EDIL3: variants seen among roughly 807,000 people sequenced by gnomAD.
The protein encoded by EDIL3 is EGF like and discoidin domains 3.
In EDIL3, 37 loss-of-function variants were observed where a neutral mutation model predicts 67.4. That is an observed-to-expected ratio of 0.55 (90% confidence interval 0.42 to 0.72). EDIL3 has a LOEUF of 0.72. Ranked by LOEUF, EDIL3 falls within the 30% of genes least tolerant of loss-of-function variation. The probability of loss-of-function intolerance (pLI) is 0.00; values close to 1 mark genes in which losing one functional copy is unlikely to be tolerated. For missense variants in EDIL3, 527 were observed against 586.3 expected (o/e 0.90, Z 1.04); for synonymous variants, 195 against 196.3 (o/e 0.99, Z 0.05).
chr5:84,003,906 G>A (rs1409184582), intron 9 of EDIL3, among the ~76,000 whole-genome samples: 1 of 151,642 alleles, frequency 6.6e-6, no homozygotes, highest in Non-Finnish European at 1.5e-5. Context: ...GGACCCAAAT[G>A]TACGCTGTCT....
intron 4 of EDIL3, among the ~76,000 whole-genome samples, chr5:84,162,904 TATATGACATCATC>T (rs772442405): frequency 1.4e-4 from 21 of 152,144 alleles, no homozygotes; most frequent in Non-Finnish European, 2.1e-4. Flanking sequence ...TGTAACTGAT[TATATGACATCATC>T]ATAATAAAAG....
chr5:84,226,113 T>C (rs1744447534), intron 3 of EDIL3, among the ~76,000 whole-genome samples: 2 of 151,702 alleles, frequency 1.3e-5, no homozygotes, highest in Admixed American at 1.3e-4. Context: ...GTAAAGATAT[T>C]ATATGGGGAT....
At chr5:84,110,495 T>C (rs1747540117) in intron 5 of EDIL3, among the ~76,000 whole-genome samples, 1 of 152,242 alleles carries the variant, frequency 6.6e-6, no homozygotes, top group Non-Finnish European at 1.5e-5. Flanking sequence ...TTGCTTTTAC[T>C]ATCAACAAAT....
chr5:84,060,541 C>T, intron 8 of EDIL3, 57 bp from the exon 9 acceptor site: 1 of 1,588,644 alleles, frequency 6.3e-7, no homozygotes, highest in Non-Finnish European at 8.6e-7. Context: ...TGGAACTTTT[C>T]TGCATTCATT....
chr5:84,271,986 T>C (rs893333064), intron 1 of EDIL3, among the ~76,000 whole-genome samples: 14 of 152,168 alleles, frequency 9.2e-5, no homozygotes, highest in African/African-American at 3.4e-4. Context: ...AAGTTTTGTT[T>C]TGTTCTTTTA....
intron 1 of EDIL3, among the ~76,000 whole-genome samples, chr5:84,347,158 G>A (rs1247747947): frequency 5.3e-5 from 8 of 152,052 alleles, no homozygotes; most frequent in African/African-American, 9.7e-5. Flanking sequence ...GTGTCCTTTT[G>A]TCCACATGTT....
At chr5:84,225,638 A>AT (rs944072123) in intron 3 of EDIL3, among the ~76,000 whole-genome samples, 5 of 151,518 alleles carry the variant, frequency 3.3e-5, no homozygotes, top group African/African-American at 9.6e-5. Context: ...TGTCTTCCTG[A>AT]TTTTTTTCAT....
chr5:83,967,466 T>C (rs547424197), intron 9 of EDIL3, among the ~76,000 whole-genome samples: 1 of 152,088 alleles, frequency 6.6e-6, no homozygotes, highest in Non-Finnish European at 1.5e-5. Context: ...CTTATTTCAC[T>C]CTAAGAATGA....
At chr5:84,268,337 T>C (rs898367813) in intron 1 of EDIL3, among the ~76,000 whole-genome samples, 4 of 152,152 alleles carry the variant, frequency 2.6e-5, no homozygotes, top group African/African-American at 9.7e-5. Flanking sequence ...AAGTCAACTA[T>C]GCATTCTTTC....
chr5:83,971,704 G>T (rs972465342), intron 9 of EDIL3, among the ~76,000 whole-genome samples: 2 of 151,748 alleles, frequency 1.3e-5, no homozygotes, highest in Admixed American at 1.3e-4. Flanking sequence ...AACTTGAAAT[G>T]ACAGAGAAGA....
intron 1 of EDIL3, among the ~76,000 whole-genome samples, chr5:84,315,453 T>C (rs1239844806): frequency 6.6e-6 from 1 of 152,206 alleles, no homozygotes; most frequent in Non-Finnish European, 1.5e-5. Context: ...TGGTTGTTTC[T>C]TATATTATAG....
In EDIL3 at chr5:84,281,226, C is replaced by T. The variant is rs116399092; in HGVS notation, c.68-27014G>A. Among the ~76,000 whole-genome samples the T allele has an allele frequency of 3.3e-3, 495 of 152,182 alleles. 3 individuals are homozygous for T. The highest frequency in any genetic ancestry group is 0.011 in the African/African-American group (465 of 41,510). On this transcript the variant is annotated intron_variant, in intron 1 of 10. Transcript: ENST00000296591. ...TACCTTTACTGTGATCAACAGAATT[C>T]AAAACATGACTTTCATAATTTCTGA... is the stretch of plus-strand genomic sequence containing the variant.
intron 3 of EDIL3, among the ~76,000 whole-genome samples, chr5:84,208,768 C>A (rs1160692615): frequency 4.0e-5 from 6 of 148,730 alleles, no homozygotes; most frequent in Non-Finnish European, 7.4e-5. Flanking sequence ...CACTTTTACA[C>A]TGTTGGTGGG....
chr5:84,208,173 T>C (rs2112386125), intron 3 of EDIL3, among the ~76,000 whole-genome samples: 1 of 152,172 alleles, frequency 6.6e-6, no homozygotes, highest in Middle Eastern at 3.4e-3. Flanking sequence ...ATATCCAGAA[T>C]CTACAATGAA....
intron 6 of EDIL3, among the ~76,000 whole-genome samples, chr5:84,095,924 C>A (rs1245937349): frequency 6.6e-6 from 1 of 152,178 alleles, no homozygotes; most frequent in Non-Finnish European, 1.5e-5. Context: ...GGCCCAGGGT[C>A]CCCGGTGCTG....
chr5:83,962,734 T>G (rs2112129138), intron 10 of EDIL3, among the ~76,000 whole-genome samples: 1 of 151,776 alleles, frequency 6.6e-6, no homozygotes, highest in African/African-American at 2.4e-5. Context: ...CTAAAATTCC[T>G]ACTTGTTACA....
In EDIL3 at chr5:83,943,355, C is replaced by T; in HGVS notation, c.*64G>A. The T allele has an allele frequency of 4.4e-6, 7 of 1,583,942 alleles. No homozygotes were observed. Among genetic ancestry groups the T allele is most frequent in the Non-Finnish European group, 5.2e-6 (6 of 1,160,556 alleles). On this transcript the variant is annotated 3_prime_UTR_variant, in exon 11 of 11. Transcript: ENST00000296591. Reference sequence around the variant, plus strand: ...CATTCAGTTTCCTACAGATTTTGCACAGTTCATTCCATGGAGATACTTTTA... The same window carrying T: ...CATTCAGTTTCCTACAGATTTTGCATAGTTCATTCCATGGAGATACTTTTA...
intron 1 of EDIL3, among the ~76,000 whole-genome samples, chr5:84,305,907 A>ATAAC (rs1746259032): frequency 1.2e-5 from 1 of 84,982 alleles, no homozygotes; most frequent in African/African-American, 3.2e-5. Context: ...AAATAAATAA[A>ATAAC]TAAATAAATA....
chr5:84,024,091 C>T (rs1224040137), intron 9 of EDIL3, among the ~76,000 whole-genome samples: 3 of 152,052 alleles, frequency 2.0e-5, no homozygotes, highest in Admixed American at 6.6e-5. Context: ...GTATTTATAC[C>T]AGGCAAACCT....
Sources: gnomAD v4.1 joint callset for allele counts (sites outside exome capture counted in the v4.1 genomes callset) on GRCh38, gnomAD v4.1.1 for gene constraint, MANE v1.5 for transcripts, NCBI Gene and HGNC (gene_info 2026-07-23, HGNC 2026-07-21) for gene names.